Variants in SLC10A2 observed in about 807,000 individuals in gnomAD.
SLC10A2 encodes the protein solute carrier family 10 member 2.
In SLC10A2, 34 loss-of-function variants were observed where a neutral mutation model predicts 27.1. The ratio of observed to expected loss-of-function variants is 1.26; its 90% CI spans 0.96 to 1.67. The LOEUF is 1.67. SLC10A2 is among the 40% of genes most tolerant of loss of function. The pLI is 0.00. For missense variants in SLC10A2, 530 were observed against 444.4 expected, an observed-to-expected ratio of 1.19 and a Z score of -1.73; for synonymous variants, 205 against 174.0, an observed-to-expected ratio of 1.18 and a Z score of -1.40.
Position 103,045,760 on chromosome 13 carries a change from G to C in SLC10A2, c.*373C>G, listed in dbSNP as rs279942. On this transcript the variant is annotated 3_prime_UTR_variant, in exon 6 of 6. Transcript: ENST00000245312. ...TTACATCTACTTTAACATACAGAAAGTCAGGTTGTCATCTATGGGCTAGGA... is the reference window on the plus strand; with the variant it reads ...TTACATCTACTTTAACATACAGAAACTCAGGTTGTCATCTATGGGCTAGGA... 0.24 allele frequency: 40,767 copies of C among 172,128 alleles called. 5,067 individuals are homozygous for C. The highest frequency in any genetic ancestry group is 0.29 in the African/African-American group (12,062 of 41,576). The allele number at this position is 172,128 out of a possible 1,614,324, so 10.7% of individuals were successfully genotyped here.
At chr13:103,062,703 C>T (rs932844307) in intron 1 of SLC10A2, among the ~76,000 whole-genome samples, 1 of 152,228 alleles carries the variant, frequency 6.6e-6, no homozygotes, top group Admixed American at 6.5e-5. Context: ...TCAATGAATG[C>T]TGCACTGGAA....
At chr13:103,048,799 TG>T in intron 5 of SLC10A2, among the ~76,000 whole-genome samples, 1 of 152,286 alleles carries the variant, frequency 6.6e-6, no homozygotes, top group East Asian at 1.9e-4. Flanking sequence ...TTCAATTATA[TG>T]GGTATTTAAA....
At chr13:103,054,334 C>A (rs1480909872) in intron 2 of SLC10A2, among the ~76,000 whole-genome samples, 2 of 152,178 alleles carry the variant, frequency 1.3e-5, no homozygotes, top group African/African-American at 4.8e-5. Flanking sequence ...GCCAACTAAA[C>A]TTCTTTTCTT....
At chr13:103,057,905 A>C (rs1188395036) in intron 2 of SLC10A2, among the ~76,000 whole-genome samples, 1 of 151,860 alleles carries the variant, frequency 6.6e-6, no homozygotes, top group Non-Finnish European at 1.5e-5. Flanking sequence ...TCTTCAATTC[A>C]AGTGTCTGGA....
At position 103,046,115 on chromosome 13, in the gene SLC10A2, G is replaced by A. The variant is rs921263470; in HGVS notation, c.*18C>T. The A allele has an allele frequency of 5.0e-6, 8 of 1,613,274 alleles. No individual in the cohort carries two copies. Among genetic ancestry groups the A allele is most frequent in the Non-Finnish European group, 6.8e-6 (8 of 1,179,512 alleles). On this transcript the variant is annotated 3_prime_UTR_variant, in exon 6 of 6. Transcript: ENST00000245312. ...TAAGAACGTAATTTGGAACTCGTCTGTTTTGTCCACTTGATGTCTACTTTT... is the reference window on the plus strand; with the variant it reads ...TAAGAACGTAATTTGGAACTCGTCTATTTTGTCCACTTGATGTCTACTTTT...
intron 1 of SLC10A2, among the ~76,000 whole-genome samples, chr13:103,059,861 C>T (rs1291713815): frequency 6.6e-6 from 1 of 152,148 alleles, no homozygotes; most frequent in Non-Finnish European, 1.5e-5. Flanking sequence ...GTGACCCTAG[C>T]TTGGGACAAG....
intron 2 of SLC10A2, among the ~76,000 whole-genome samples, chr13:103,055,738 T>C (rs1875918530): frequency 6.6e-6 from 1 of 152,162 alleles, no homozygotes; most frequent in South Asian, 2.1e-4. Context: ...AAGACTAACT[T>C]TCTTCAAGCC....
intron 1 of SLC10A2, among the ~76,000 whole-genome samples, chr13:103,062,006 A>C (rs115800136): frequency 0.012 from 1,833 of 151,550 alleles, 42 homozygotes; most frequent in African/African-American, 0.042. Context: ...AAGAAAAATA[A>C]AAAAAAAATC....
Position 103,045,917 on chromosome 13 carries a change from A to C in SLC10A2, c.*216T>G, listed in dbSNP as rs201027991. On this transcript the variant is annotated 3_prime_UTR_variant, in exon 6 of 6. Transcript: ENST00000245312. ...TATATCTATATGAGTATACATACAT[A>C]TATAAAACATATACATATATATAGG... The C allele has an allele frequency of 1.6e-5, 8 of 502,990 alleles. No individual in the cohort carries two copies. Among genetic ancestry groups the C allele is most frequent in the Non-Finnish European group, 2.9e-5 (8 of 280,550 alleles). 31.2% of individuals were successfully genotyped at this position (502,990 alleles called of 1,614,324 possible).
At position 103,051,262 on chromosome 13, in the gene SLC10A2, C is replaced by T; in HGVS notation, c.756G>A (p.Trp252Ter). 1 of 1,613,870 alleles carries T rather than the reference C, an allele frequency of 6.2e-7. No individual in the cohort carries two copies. The highest frequency in any genetic ancestry group is 8.5e-7 in the Non-Finnish European group (1 of 1,179,900). ...TGATTTACTAAATGCCATACCTGTA[C>T]CAGGGTAGACCAGCAATTCTAGCCA... is the stretch of plus-strand genomic sequence containing the variant. ...FLLARIAGLP[W>*]YRCRTVAFET... The change falls in exon 4 of 6, where the codon TGG (tryptophan) becomes TGA (stop). Residue 252 changes from tryptophan to a stop codon, truncating the protein, a stop_gained. Transcript: ENST00000245312. LOFTEE classifies it high-confidence loss of function.
chr13:103,060,777 C>T (rs895162818), intron 1 of SLC10A2, among the ~76,000 whole-genome samples: 3 of 152,062 alleles, frequency 2.0e-5, no homozygotes, highest in Admixed American at 6.5e-5. Context: ...CTGAAAGGCC[C>T]TTCTCTCAAC....
chr13:103,062,630 A>G (rs1876155655), intron 1 of SLC10A2, among the ~76,000 whole-genome samples: 1 of 152,174 alleles, frequency 6.6e-6, no homozygotes. Context: ...TTGACATAGG[A>G]AGGATTGATT....
At chr13:103,048,570 T>C (rs1875679994) in intron 5 of SLC10A2, among the ~76,000 whole-genome samples, 1 of 152,128 alleles carries the variant, frequency 6.6e-6, no homozygotes, top group African/African-American at 2.4e-5. Context: ...CTTTAAAAAC[T>C]AGCTTTTTTA....
At chr13:103,048,698 G>A (rs1171764486) in intron 5 of SLC10A2, among the ~76,000 whole-genome samples, 1 of 152,102 alleles carries the variant, frequency 6.6e-6, no homozygotes, top group East Asian at 1.9e-4. Context: ...GATGGGAAAC[G>A]CTGGGAGCTT....
chr13:103,053,116 GTGTGTGTGTGTA>G (rs1399122987), intron 2 of SLC10A2, among the ~76,000 whole-genome samples: 132 of 137,718 alleles, frequency 9.6e-4, no homozygotes, highest in African/African-American at 3.6e-3. Flanking sequence ...GTGTGTGTGT[GTGTGTGTGTGTA>G]TGGCATACAA....
chr13:103,057,147 TC>T (rs1288627607), intron 2 of SLC10A2, among the ~76,000 whole-genome samples: 4 of 152,188 alleles, frequency 2.6e-5, no homozygotes, highest in Non-Finnish European at 5.9e-5. Flanking sequence ...GGGATTTTTT[TC>T]CAAGGTCAGT....
chr13:103,057,152 G>T lies in SLC10A2; in HGVS notation c.496+1112C>A, dbSNP rs186736387. Among the ~76,000 whole-genome samples the T allele has an allele frequency of 5.1e-3, 772 of 152,150 alleles. 4 individuals are homozygous for T. Among genetic ancestry groups the T allele is most frequent in the Non-Finnish European group, 7.4e-3 (505 of 67,992 alleles). ...GCAGCTCATTGGGATTTTTTTCCAA[G>T]GTCAGTGGGGAAAAAAACCCAGGTA... On this transcript the variant is annotated intron_variant, in intron 2 of 5. Coordinates refer to ENST00000245312, the MANE Select transcript of SLC10A2 (RefSeq NM_000452.3).
chr13:103,056,826 C>T (rs894559013), intron 2 of SLC10A2, among the ~76,000 whole-genome samples: 1 of 151,980 alleles, frequency 6.6e-6, no homozygotes, highest in Non-Finnish European at 1.5e-5. Flanking sequence ...CTGAATAGGG[C>T]ATGTCAAGGA....
intron 2 of SLC10A2, among the ~76,000 whole-genome samples, chr13:103,057,711 C>T (rs1309227723): frequency 1.3e-5 from 2 of 151,808 alleles, no homozygotes; most frequent in Non-Finnish European, 2.9e-5. Context: ...AAACCCCGTC[C>T]CTATTAAAAA....
Sources: gnomAD v4.1 joint callset for allele counts (sites outside exome capture counted in the v4.1 genomes callset) on GRCh38, gnomAD v4.1.1 for gene constraint, MANE v1.5 for transcripts, NCBI Gene and HGNC (gene_info 2026-07-23, HGNC 2026-07-21) for gene names.